Variants in NTRK3 observed in about 807,000 individuals in gnomAD.
The protein encoded by NTRK3 is neurotrophic receptor tyrosine kinase 3, also known as NT-3 growth factor receptor.
Under a neutral mutation model 91.7 loss-of-function variants are expected in NTRK3, and 24 were observed. The observed-to-expected ratio is 0.26, with a 90% confidence interval of 0.19 to 0.37. The LOEUF (loss-of-function observed/expected upper bound fraction) is 0.37. Ranked by LOEUF, NTRK3 falls within the 10% of genes least tolerant of loss-of-function variation. The pLI, the probability that NTRK3 is intolerant of heterozygous loss-of-function variation, is 1.00. For missense variants in NTRK3, 880 were observed against 1,068.9 expected, an observed-to-expected ratio of 0.82 and a Z score of 2.46; for synonymous variants, 483 against 404.0, an observed-to-expected ratio of 1.20 and a Z score of -2.34.
intron 13 of NTRK3, among the ~76,000 whole-genome samples, chr15:88,101,571 T>C (rs2150876607): frequency 6.6e-6 from 1 of 152,342 alleles, no homozygotes; most frequent in Middle Eastern, 3.4e-3. Flanking sequence ...TGCACTCGTA[T>C]GTTTATCGCG....
chr15:88,078,349 G>A (rs140609048), intron 13 of NTRK3, among the ~76,000 whole-genome samples: 2 of 152,324 alleles, frequency 1.3e-5, no homozygotes, highest in East Asian at 1.9e-4. Context: ...TAATAGTAAA[G>A]TGGGGTTAAA....
intron 14 of NTRK3, among the ~76,000 whole-genome samples, chr15:88,009,584 T>C (rs1321579548): frequency 1.3e-5 from 2 of 152,348 alleles, no homozygotes; most frequent in Non-Finnish European, 1.5e-5. Flanking sequence ...TCAAAAAGAA[T>C]GATACGCTCT....
intron 3 of NTRK3, among the ~76,000 whole-genome samples, chr15:88,251,980 G>T (rs2053434469): frequency 3.9e-5 from 6 of 152,156 alleles, no homozygotes; most frequent in Admixed American, 3.9e-4. Context: ...AGCTTGACCT[G>T]CTGGGCTTCC....
At chr15:88,147,597 T>G (rs2043006860) in intron 5 of NTRK3, among the ~76,000 whole-genome samples, 194 bp from the exon 6 acceptor site, 1 of 152,022 alleles carries the variant, frequency 6.6e-6, no homozygotes, top group South Asian at 2.1e-4. Flanking sequence ...GCTGAGGGCA[T>G]AGATCAGGTT....
At chr15:88,063,943 C>A (rs529618667) in intron 13 of NTRK3, among the ~76,000 whole-genome samples, 1 of 152,306 alleles carries the variant, frequency 6.6e-6, no homozygotes, top group African/African-American at 2.4e-5. Context: ...ATGTCCACCT[C>A]AAACCTCAGA....
At chr15:88,254,802 T>C (rs2053833949) in intron 3 of NTRK3, among the ~76,000 whole-genome samples, 1 of 152,156 alleles carries the variant, frequency 6.6e-6, no homozygotes, top group Admixed American at 6.5e-5. Context: ...CCCCAAGGGC[T>C]GGAAGCCTTG....
chr15:88,141,732 TG>T (rs1276382546), intron 6 of NTRK3, among the ~76,000 whole-genome samples: 9 of 152,232 alleles, frequency 5.9e-5, no homozygotes, highest in Non-Finnish European at 1.2e-4. Context: ...CAGCATCTCA[TG>T]GCCCCCCAAA....
intron 13 of NTRK3, among the ~76,000 whole-genome samples, chr15:88,040,488 C>T (rs1196088738): frequency 2.6e-5 from 4 of 152,124 alleles, no homozygotes; most frequent in Admixed American, 1.3e-4. Flanking sequence ...GAGCGGCCTC[C>T]CAGGGAATAC....
chr15:87,888,954 C>T (rs1277872748), intron 17 of NTRK3, among the ~76,000 whole-genome samples: 1 of 152,170 alleles, frequency 6.6e-6, no homozygotes, highest in African/African-American at 2.4e-5. Flanking sequence ...GGCTCTGCCT[C>T]ATCCTAAAGA....
intron 13 of NTRK3, among the ~76,000 whole-genome samples, chr15:88,039,118 AAC>A (rs66499066): frequency 0.43 from 59,455 of 138,826 alleles, 12,623 homozygotes; most frequent in Non-Finnish European, 0.49. Flanking sequence ...TTGAGCCCTC[AAC>A]ACACACACAC....
intron 13 of NTRK3, among the ~76,000 whole-genome samples, chr15:88,055,130 C>T (rs1248015578): frequency 6.6e-6 from 1 of 152,164 alleles, no homozygotes. Context: ...GTAATGAATG[C>T]CAATCCCAGG....
chr15:88,237,370 G>A lies in NTRK3; in HGVS notation c.248+18536C>T, dbSNP rs1598113397. On this transcript the variant is annotated intron_variant, in intron 3 of 18. Coordinates refer to ENST00000394480, the Ensembl canonical transcript of NTRK3. The surrounding 1 kb of genome is among the most constrained non-coding windows in gnomAD (Gnocchi z 4.0). The stretch of plus-strand genomic sequence containing the variant: ...GCCCTATTTTGTGACCCATTGTTTT[G>A]GGAAGTTCTTTCTTACTGCTAAACC... 1.3e-5 allele frequency among the ~76,000 whole-genome samples: 2 copies of A among 152,210 alleles called. No homozygotes were observed. The highest frequency in any genetic ancestry group is 4.1e-4 in the South Asian group (2 of 4,820).
chr15:87,929,163 A>G (rs2141908031), intron 17 of NTRK3, 28 bp downstream of exon 17: 1 of 1,614,166 alleles, frequency 6.2e-7, no homozygotes, highest in Non-Finnish European at 8.5e-7. Flanking sequence ...TCTGTGGCTG[A>G]GTCCTGCAGC....
At chr15:87,895,151 G>A (rs1033627376) in intron 17 of NTRK3, among the ~76,000 whole-genome samples, 1 of 152,192 alleles carries the variant, frequency 6.6e-6, no homozygotes, top group Non-Finnish European at 1.5e-5. Context: ...CAGCCTACTT[G>A]TAGACATAGA....
chr15:88,062,824 G>A, intron 13 of NTRK3, among the ~76,000 whole-genome samples: 1 of 152,182 alleles, frequency 6.6e-6, no homozygotes, highest in East Asian at 1.9e-4. Context: ...CTTTCCTTGG[G>A]CTACTGAGGG....
chr15:87,961,109 T>C (rs1277406404), intron 14 of NTRK3, among the ~76,000 whole-genome samples: 1 of 152,194 alleles, frequency 6.6e-6, no homozygotes, highest in Non-Finnish European at 1.5e-5. Context: ...GCCTTGCATC[T>C]GATGAGATGG....
intron 3 of NTRK3, among the ~76,000 whole-genome samples, chr15:88,193,180 G>A (rs946282148): frequency 3.3e-5 from 5 of 152,052 alleles, no homozygotes; most frequent in African/African-American, 1.2e-4. Context: ...CTCAGTACCT[G>A]CACGGCCCTC....
At chr15:88,187,883 G>A (rs960437920) in intron 3 of NTRK3, among the ~76,000 whole-genome samples, 4 of 149,200 alleles carry the variant, frequency 2.7e-5, no homozygotes, top group East Asian at 4.0e-4. Context: ...GCAGTGAGCC[G>A]AGATCACACC....
At chr15:88,024,867 T>A (rs992272292) in intron 14 of NTRK3, among the ~76,000 whole-genome samples, 5 of 152,250 alleles carry the variant, frequency 3.3e-5, no homozygotes, top group African/African-American at 1.2e-4. Context: ...CATTGGTTGG[T>A]ACCAAGAGGT....
Sources: gnomAD v4.1 joint callset for allele counts (sites outside exome capture counted in the v4.1 genomes callset) on GRCh38, gnomAD v4.1.1 for gene constraint, Gnocchi (gnomAD v3.1) non-coding constraint, MANE v1.5 for transcripts, NCBI Gene and HGNC (gene_info 2026-07-23, HGNC 2026-07-21) for gene names.